Variants in ZNF438 observed in about 807,000 individuals in gnomAD.
ZNF438 encodes zinc finger protein 438.
Under a neutral mutation model 38.0 loss-of-function variants are expected in ZNF438, and 25 were observed. The observed-to-expected ratio is 0.66, with a 90% CI of 0.48 to 0.92. The LOEUF is 0.92. ZNF438 is among the 40% of genes least tolerant of loss of function. ZNF438 has a pLI of 0.00. For synonymous variants in ZNF438, 372 were observed against 364.1 expected, an observed-to-expected ratio of 1.02 and a Z score of -0.25; for missense variants, 1,007 against 999.6, an observed-to-expected ratio of 1.01 and a Z score of -0.10.
chr10:30,844,996 C>T, exon 6 of ZNF438: 10 of 1,614,100 alleles, frequency 6.2e-6, no homozygotes, highest in Non-Finnish European at 7.6e-6. Flanking sequence ...TCGATCACTC[C>T]CTGGTTGGAG....
chr10:30,993,371 C>CCTG (rs1255856984), intron 1 of ZNF438, among the ~76,000 whole-genome samples: 2 of 152,330 alleles, frequency 1.3e-5, no homozygotes, highest in Non-Finnish European at 1.5e-5. Context: ...GACTCTGCTC[C>CCTG]CTGCACCCCA....
At chr10:30,971,428 A>T (rs1163747815) in intron 1 of ZNF438, among the ~76,000 whole-genome samples, 1 of 152,224 alleles carries the variant, frequency 6.6e-6, no homozygotes, top group Non-Finnish European at 1.5e-5. Flanking sequence ...TATGCATAAA[A>T]ATATTTAGAA....
chr10:31,031,535 G>A (rs2057294252), intron 1 of ZNF438, among the ~76,000 whole-genome samples: 1 of 152,192 alleles, frequency 6.6e-6, no homozygotes, highest in Non-Finnish European at 1.5e-5. Flanking sequence ...GAAAAAAAGG[G>A]ACTCTCCATT....
At chr10:30,845,172 C>T in exon 6 of ZNF438, 1 of 1,614,176 alleles carries the variant, frequency 6.2e-7, no homozygotes, top group Non-Finnish European at 8.5e-7. Context: ...ACACTCAGGG[C>T]CCTGGCAGGT....
intron 1 of ZNF438, among the ~76,000 whole-genome samples, chr10:30,990,955 C>T (rs1329560402): frequency 6.6e-6 from 1 of 150,758 alleles, no homozygotes; most frequent in Non-Finnish European, 1.5e-5. Flanking sequence ...AACAATTTAA[C>T]TGGAAAAAAA....
At chr10:30,953,538 G>A (rs2048482819) in intron 1 of ZNF438, among the ~76,000 whole-genome samples, 1 of 150,504 alleles carries the variant, frequency 6.6e-6, no homozygotes, top group Admixed American at 6.6e-5. Context: ...GATAATACTA[G>A]CAGTATTGAG....
intron 3 of ZNF438, among the ~76,000 whole-genome samples, chr10:30,897,338 A>T (rs1269911354): frequency 6.6e-6 from 1 of 152,192 alleles, no homozygotes; most frequent in Non-Finnish European, 1.5e-5. Flanking sequence ...TTCTTTCTAT[A>T]TTCCCCCCAA....
intron 1 of ZNF438, among the ~76,000 whole-genome samples, chr10:30,980,984 C>T (rs1476023820): frequency 6.6e-6 from 1 of 152,190 alleles, no homozygotes; most frequent in Non-Finnish European, 1.5e-5. Flanking sequence ...AGCTACATTT[C>T]ACCTGTCAGC....
chr10:30,848,945 G>A (rs761334298), exon 5 of ZNF438: 4 of 1,614,110 alleles, frequency 2.5e-6, no homozygotes, highest in Non-Finnish European at 3.4e-6. Flanking sequence ...CTTAGGGGAA[G>A]AGCTGTTGTC....
At chr10:30,906,334 T>C (rs2042581609) in intron 3 of ZNF438, among the ~76,000 whole-genome samples, 2 of 152,234 alleles carry the variant, frequency 1.3e-5, no homozygotes, top group African/African-American at 4.8e-5. Context: ...GCCAACGTCA[T>C]TGTTTTCTTA....
At chr10:30,981,453 G>A (rs555763753) in intron 1 of ZNF438, among the ~76,000 whole-genome samples, 196 of 152,238 alleles carry the variant, frequency 1.3e-3, no homozygotes, top group African/African-American at 3.9e-3. Context: ...TGTTCTGTCC[G>A]CCTCCCCATC....
chr10:30,923,985 T>G (rs967900955), intron 2 of ZNF438, among the ~76,000 whole-genome samples: 1 of 152,244 alleles, frequency 6.6e-6, no homozygotes, highest in Non-Finnish European at 1.5e-5. Context: ...CAATAAAAGT[T>G]TGTAACTTCT....
intron 2 of ZNF438, among the ~76,000 whole-genome samples, chr10:30,927,272 G>A (rs199519576): frequency 7.0e-6 from 1 of 141,930 alleles, no homozygotes; most frequent in East Asian, 1.9e-4. Context: ...GCCTTTGACT[G>A]TTTGACCCTT....
intron 4 of ZNF438, chr10:30,857,611 A>C: frequency 8.0e-7 from 1 of 1,246,738 alleles, no homozygotes; most frequent in Non-Finnish European, 1.1e-6. Context: ...CTTATTAGAG[A>C]TAACTCACAG....
At chr10:30,894,354 T>C (rs1300506820) in intron 3 of ZNF438, among the ~76,000 whole-genome samples, 1 of 152,170 alleles carries the variant, frequency 6.6e-6, no homozygotes, top group Non-Finnish European at 1.5e-5. Flanking sequence ...TTCCTGCCAG[T>C]TCAGGTTCCT....
intron 5 of ZNF438, among the ~76,000 whole-genome samples, chr10:30,847,310 C>G (rs1258164979): frequency 6.6e-6 from 1 of 152,174 alleles, no homozygotes; most frequent in Non-Finnish European, 1.5e-5. Flanking sequence ...AAGCCCCGGA[C>G]TTAGCCAGAC....
At chr10:31,005,417 T>A (rs1027702060) in intron 1 of ZNF438, among the ~76,000 whole-genome samples, 3 of 152,076 alleles carry the variant, frequency 2.0e-5, no homozygotes. Flanking sequence ...AGAAAATGCA[T>A]GATTTCACTT....
intron 4 of ZNF438, among the ~76,000 whole-genome samples, chr10:30,866,970 T>C (rs978213605): frequency 6.6e-6 from 1 of 152,218 alleles, no homozygotes; most frequent in Admixed American, 6.5e-5. Flanking sequence ...AGTTTAACGT[T>C]ACATGCGTGG....
intron 1 of ZNF438, among the ~76,000 whole-genome samples, chr10:31,021,910 G>A (rs2056622539): frequency 6.6e-6 from 1 of 151,052 alleles, no homozygotes; most frequent in Non-Finnish European, 1.5e-5. Context: ...ACAGCTAAGT[G>A]AGAAGCTGCC....
Sources: gnomAD v4.1 joint callset for allele counts (sites outside exome capture counted in the v4.1 genomes callset) on GRCh38, gnomAD v4.1.1 for gene constraint, MANE v1.5 for transcripts, NCBI Gene and HGNC (gene_info 2026-07-23, HGNC 2026-07-21) for gene names.